Variants in SEC24D observed in about 807,000 individuals in gnomAD.
SEC24D encodes protein transport protein Sec24D.
A neutral mutation model predicts 116.9 loss-of-function variants in SEC24D; 69 were observed. The ratio of observed to expected loss-of-function variants is 0.59; its 90% CI spans 0.49 to 0.72. The LOEUF (loss-of-function observed/expected upper bound fraction) is 0.72, where lower values mean the gene tolerates loss of function less well. Ranked by LOEUF, SEC24D falls within the 30% of genes least tolerant of loss-of-function variation. SEC24D has a pLI of 0.00. For missense variants in SEC24D, 1,131 were observed against 1,264.1 expected (o/e 0.89, Z 1.60); for synonymous variants, 405 against 442.8 (o/e 0.91, Z 1.07).
At chr4:118,833,255 T>C (rs1172096966) in intron 2 of SEC24D, 1 of 178,326 alleles carries the variant, frequency 5.6e-6, no homozygotes, top group African/African-American at 2.4e-5. Context: ...TTTAATTCAT[T>C]TATAAATTTA....
chr4:118,762,320 G>A (rs1183175156), intron 10 of SEC24D, among the ~76,000 whole-genome samples: 5 of 152,016 alleles, frequency 3.3e-5, no homozygotes, highest in East Asian at 1.9e-4. Context: ...ACACAGATAC[G>A]GTTTTCAGTC....
chr4:118,744,623 G>A (rs1726407149), intron 14 of SEC24D, among the ~76,000 whole-genome samples: 1 of 152,196 alleles, frequency 6.6e-6, no homozygotes, highest in South Asian at 2.1e-4. Context: ...CTGCCGCCAA[G>A]GGAAGAGTTT....
Position 118,732,667 on chromosome 4 carries a change from G to C in SEC24D, c.2676+66C>G, listed in dbSNP as rs2046779. On this transcript the variant is annotated intron_variant, in intron 20 of 22. Transcript: ENST00000280551. ...ACAACATATTTCAGATATAACATAC[G>C]GGAAAGCACAAAATATGATTCCCTT... The C allele has an allele frequency of 0.34, 498,058 of 1,452,108 alleles. 89,052 individuals carry two copies. The highest frequency in any genetic ancestry group is 0.37 in the Non-Finnish European group (390,779 of 1,055,548). 90.0% of individuals were successfully genotyped at this position (1,452,108 alleles called of 1,614,324 possible).
chr4:118,791,155 TTATTGA>T (rs1018578392), intron 8 of SEC24D, among the ~76,000 whole-genome samples: 3 of 152,140 alleles, frequency 2.0e-5, no homozygotes, highest in African/African-American at 7.2e-5. Context: ...ATAGTGCCAC[TTATTGA>T]TATGTGGAAA....
chr4:118,770,198 T>G (rs1388353154), intron 8 of SEC24D, among the ~76,000 whole-genome samples: 1 of 152,134 alleles, frequency 6.6e-6, no homozygotes, highest in Middle Eastern at 3.2e-3. Flanking sequence ...ACATACAAAT[T>G]CATATATCTG....
In SEC24D at chr4:118,741,016, ATTG is replaced by A. The variant is rs1560619057; in HGVS notation, c.2014_2016del (p.Gln672del). On this transcript the variant is annotated inframe_deletion, in exon 16 of 23. Coordinates refer to ENST00000280551, the MANE Select transcript of SEC24D (RefSeq NM_014822.4). ...ATATCATTTCTGAGGTCGTTCAAAA[ATTG>A]TTGTCTATCCAAGTGCATCTAAAAA... 2 of 1,581,480 alleles carry A rather than the reference ATTG, an allele frequency of 1.3e-6. No individual in the cohort carries two copies. The highest frequency in any genetic ancestry group is 2.3e-5 in the East Asian group (1 of 44,060).
At chr4:118,726,365 G>C (rs999583527) in intron 22 of SEC24D, among the ~76,000 whole-genome samples, 2 of 152,190 alleles carry the variant, frequency 1.3e-5, no homozygotes, top group African/African-American at 4.8e-5. Context: ...AGAATTTGAG[G>C]AAGTAGTCAA....
chr4:118,733,684 G>C (rs1262225136), intron 19 of SEC24D, among the ~76,000 whole-genome samples: 3 of 152,176 alleles, frequency 2.0e-5, no homozygotes, highest in South Asian at 2.1e-4. Flanking sequence ...CATGCATTTA[G>C]ATGTGTCATT....
chr4:118,723,498 T>C lies in SEC24D; in HGVS notation c.*17A>G. ...TATCTCCTTGGAAATGCAACATCAA[T>C]GACAGAGAAGTTTCAATTAATTAAG... is the stretch of plus-strand genomic sequence containing the variant. On this transcript the variant is annotated 3_prime_UTR_variant, in exon 23 of 23. Coordinates refer to ENST00000280551, the MANE Select transcript of SEC24D (RefSeq NM_014822.4). 1 of 1,604,154 alleles carries C rather than the reference T, an allele frequency of 6.2e-7. No homozygotes were observed. The highest frequency in any genetic ancestry group is 8.5e-7 in the Non-Finnish European group (1 of 1,176,538).
At chr4:118,788,854 C>T (rs1371865409) in intron 8 of SEC24D, among the ~76,000 whole-genome samples, 1 of 152,202 alleles carries the variant, frequency 6.6e-6, no homozygotes. Flanking sequence ...AACCACCATT[C>T]TGTGATATGG....
chr4:118,805,379 T>C (rs1729632787), intron 7 of SEC24D, among the ~76,000 whole-genome samples: 1 of 152,192 alleles, frequency 6.6e-6, no homozygotes, highest in Non-Finnish European at 1.5e-5. Flanking sequence ...ACAGCAGAGA[T>C]GCAGCTCAGC....
intron 2 of SEC24D, among the ~76,000 whole-genome samples, chr4:118,829,776 C>T (rs1168614345): frequency 6.6e-6 from 1 of 151,876 alleles, no homozygotes; most frequent in Non-Finnish European, 1.5e-5. Flanking sequence ...CGTGCCATTG[C>T]ACTCCAGCCT....
At chr4:118,833,912 A>AC (rs1357024091) in intron 1 of SEC24D, among the ~76,000 whole-genome samples, 175 bp from the exon 2 acceptor site, 1 of 152,240 alleles carries the variant, frequency 6.6e-6, no homozygotes, top group East Asian at 1.9e-4. Context: ...AAAGGGCCTA[A>AC]CCATAGCTCT....
intron 7 of SEC24D, among the ~76,000 whole-genome samples, chr4:118,805,204 A>T (rs996265920): frequency 3.9e-5 from 6 of 152,228 alleles, no homozygotes; most frequent in African/African-American, 1.4e-4. Flanking sequence ...CAACTCTGGG[A>T]TGAGACAAAA....
chr4:118,815,752 C>T lies in SEC24D; in HGVS notation c.398-26G>A, dbSNP rs373408755. 10 of 1,609,972 alleles carry T rather than the reference C, an allele frequency of 6.2e-6. No homozygotes were observed. In the African/African-American group the frequency reaches 1.2e-4, roughly 19 times the overall value. ...CTGTGTGAGAAAGGAGACCAGCCCA[C>T]TTAAATACCACATTTCTCAACTCTC... On this transcript the variant is annotated intron_variant, in intron 4 of 22. Transcript: ENST00000280551.
intron 2 of SEC24D, among the ~76,000 whole-genome samples, chr4:118,828,018 C>T (rs1409778033): frequency 6.6e-6 from 1 of 152,112 alleles, no homozygotes; most frequent in Non-Finnish European, 1.5e-5. Context: ...TGACCATGGT[C>T]CCTAAAGCAC....
intron 8 of SEC24D, 31 bp from the exon 9 acceptor site, chr4:118,768,342 A>G (rs369567109): frequency 1.2e-5 from 19 of 1,584,936 alleles, no homozygotes; most frequent in African/African-American, 2.7e-5. Context: ...TTAAATGAAC[A>G]GGTGAGTATA....
chr4:118,831,877 T>C (rs1186935872), intron 2 of SEC24D, among the ~76,000 whole-genome samples: 6 of 152,132 alleles, frequency 3.9e-5, no homozygotes, highest in Admixed American at 3.9e-4. Flanking sequence ...AAGAGTCATG[T>C]AGAAGAATTC....
intron 3 of SEC24D, among the ~76,000 whole-genome samples, chr4:118,820,838 T>G (rs1730371207): frequency 6.6e-6 from 1 of 152,160 alleles, no homozygotes; most frequent in Non-Finnish European, 1.5e-5. Flanking sequence ...TACATTTCAC[T>G]GAATGTCAGA....
Sources: gnomAD v4.1 joint callset for allele counts (sites outside exome capture counted in the v4.1 genomes callset) on GRCh38, gnomAD v4.1.1 for gene constraint, MANE v1.5 for transcripts, NCBI Gene and HGNC (gene_info 2026-07-23, HGNC 2026-07-21) for gene names.